LRP1B: variants seen among roughly 807,000 people sequenced by gnomAD.
LRP1B encodes LDL receptor related protein 1B, also known as low-density lipoprotein receptor-related protein 1B.
A neutral mutation model predicts 556.6 loss-of-function variants in LRP1B; 217 were observed. That is an observed-to-expected ratio of 0.39 (90% CI 0.35 to 0.44). The LOEUF is 0.44. Ranked by LOEUF, LRP1B falls within the 20% of genes least tolerant of loss-of-function variation. The probability of loss-of-function intolerance (pLI) is 1.00; values close to 1 mark genes in which losing one functional copy is unlikely to be tolerated. For missense variants in LRP1B, 5,053 were observed against 5,620.8 expected (o/e 0.90, Z 3.23); for synonymous variants, 2,047 against 1,865.8 (o/e 1.10, Z -2.50).
Position 141,704,225 on chromosome 2 carries a change from C to T in LRP1B, c.205+106054G>A, listed in dbSNP as rs551891800. On this transcript the variant is annotated intron_variant, in intron 2 of 90. Transcript: ENST00000389484. ...AAAGTACATTCAGTGTCACGATGCACGGGGATTTTATTCCATTGCACTTCT... is the reference window on the plus strand; with the variant it reads ...AAAGTACATTCAGTGTCACGATGCATGGGGATTTTATTCCATTGCACTTCT... Among the ~76,000 whole-genome samples the T allele has an allele frequency of 1.3e-4, 20 of 151,950 alleles. No homozygotes were observed. The South Asian group carries it at 3.7e-3, about 28-fold the overall frequency.
intron 2 of LRP1B, among the ~76,000 whole-genome samples, chr2:141,624,764 A>G (rs924233293): frequency 6.6e-6 from 1 of 151,980 alleles, no homozygotes; most frequent in African/African-American, 2.4e-5. Context: ...TTATGTATTT[A>G]TTTATTTTTT....
chr2:141,470,558 T>C (rs905973081), intron 3 of LRP1B, among the ~76,000 whole-genome samples: 36 of 152,340 alleles, frequency 2.4e-4, no homozygotes, highest in African/African-American at 8.2e-4. Context: ...TGGGTTGATA[T>C]GTTAAGGCCC....
intron 4 of LRP1B, 117 bp from the exon 5 acceptor site, chr2:141,247,471 C>A (rs1684110268): frequency 8.5e-7 from 1 of 1,174,078 alleles, no homozygotes; most frequent in Admixed American, 2.3e-5. Flanking sequence ...AAAGCCAATT[C>A]CAATAAGTCT....
chr2:141,873,539 G>A (rs1464245228), intron 1 of LRP1B, among the ~76,000 whole-genome samples: 1 of 151,912 alleles, frequency 6.6e-6, no homozygotes, highest in African/African-American at 2.4e-5. Flanking sequence ...CTATTAGTAT[G>A]ACTTCATAAT....
chr2:141,571,577 T>G (rs7592987), intron 2 of LRP1B, among the ~76,000 whole-genome samples: 12,019 of 152,072 alleles, frequency 0.079, 558 homozygotes, highest in South Asian at 0.13. Flanking sequence ...GGATGGAGGA[T>G]CAAATCGGCG....
intron 7 of LRP1B, among the ~76,000 whole-genome samples, chr2:141,093,662 G>GAT (rs1700225400): frequency 6.6e-6 from 1 of 151,896 alleles, no homozygotes; most frequent in Non-Finnish European, 1.5e-5. Flanking sequence ...TAAAGAAAAA[G>GAT]ATGAGTAAGA....
intron 66 of LRP1B, among the ~76,000 whole-genome samples, chr2:140,412,956 C>G (rs1685029435): frequency 6.6e-6 from 1 of 152,060 alleles, no homozygotes; most frequent in South Asian, 2.1e-4. Context: ...ATGTTTTGTA[C>G]CTAACATTCC....
chr2:142,077,313 ACAAAT>A (rs1419197219), intron 1 of LRP1B, among the ~76,000 whole-genome samples: 4 of 152,140 alleles, frequency 2.6e-5, no homozygotes, highest in Admixed American at 2.0e-4. Flanking sequence ...GAGGAGCTGA[ACAAAT>A]CATTCATTCA....
intron 3 of LRP1B, among the ~76,000 whole-genome samples, chr2:141,411,544 T>G (rs186415259): frequency 6.6e-6 from 1 of 152,186 alleles, no homozygotes; most frequent in African/African-American, 2.4e-5. Context: ...TGTTTGCCAG[T>G]GTCAGACTTG....
chr2:141,918,922 C>G, intron 1 of LRP1B, among the ~76,000 whole-genome samples: 1 of 152,020 alleles, frequency 6.6e-6, no homozygotes, highest in Non-Finnish European at 1.5e-5. Context: ...CACCCATGTG[C>G]CTGTAATCTC....
chr2:140,976,622 C>A (rs1020460146), intron 18 of LRP1B, among the ~76,000 whole-genome samples: 25 of 151,172 alleles, frequency 1.7e-4, no homozygotes, highest in African/African-American at 6.1e-4. Flanking sequence ...ATTCTCCTGC[C>A]TCAGCCTCCT....
intron 3 of LRP1B, among the ~76,000 whole-genome samples, chr2:141,371,498 A>T (rs1374614519): frequency 6.6e-6 from 1 of 152,130 alleles, no homozygotes; most frequent in Non-Finnish European, 1.5e-5. Flanking sequence ...AATTCTTCCA[A>T]TCCATGACCA....
intron 14 of LRP1B, among the ~76,000 whole-genome samples, chr2:141,010,976 G>A (rs896780095): frequency 8.9e-4 from 134 of 150,000 alleles, no homozygotes; most frequent in Admixed American, 2.1e-3. Flanking sequence ...GTGTGTGTGT[G>A]TGTGTATTAA....
intron 2 of LRP1B, among the ~76,000 whole-genome samples, chr2:141,491,935 G>C (rs143825620): frequency 1.3e-5 from 2 of 151,962 alleles, no homozygotes; most frequent in Non-Finnish European, 2.9e-5. Flanking sequence ...CCCAGTTAAG[G>C]CTTAAAAACC....
chr2:141,583,024 GA>G (rs950732382), intron 2 of LRP1B, among the ~76,000 whole-genome samples: 4 of 151,810 alleles, frequency 2.6e-5, no homozygotes, highest in African/African-American at 9.7e-5. Flanking sequence ...TTTTAGTAGA[GA>G]GGGGGTTTCA....
intron 1 of LRP1B, among the ~76,000 whole-genome samples, chr2:141,936,523 A>C (rs898674881): frequency 2.0e-5 from 3 of 152,112 alleles, no homozygotes; most frequent in Admixed American, 2.0e-4. Context: ...GAATAAACCA[A>C]CTCTGCCTTT....
chr2:140,789,926 G>A (rs980276894), intron 32 of LRP1B, among the ~76,000 whole-genome samples: 10 of 151,916 alleles, frequency 6.6e-5, no homozygotes, highest in African/African-American at 2.2e-4. Flanking sequence ...CACCGCGCCC[G>A]GCCAAGGACT....
intron 45 of LRP1B, among the ~76,000 whole-genome samples, chr2:140,540,411 G>T (rs1361284881): frequency 1.3e-5 from 2 of 152,106 alleles, no homozygotes; most frequent in Admixed American, 6.6e-5. Flanking sequence ...AAACTTAGCT[G>T]TTAATAAGTG....
intron 7 of LRP1B, among the ~76,000 whole-genome samples, chr2:141,125,855 A>AC (rs544473781): frequency 0.04 from 6,001 of 149,810 alleles, 258 homozygotes; most frequent in African/African-American, 0.093. Flanking sequence ...AAAAAAAAAA[A>AC]AAAAAACAAA....
Sources: allele counts gnomAD v4.1 joint callset (sites outside exome capture counted in the v4.1 genomes callset), GRCh38; gene constraint gnomAD v4.1.1; transcripts MANE v1.5; gene names NCBI Gene and HGNC (gene_info 2026-07-23, HGNC 2026-07-21).